The following NAV2 variants were observed in gnomAD, a reference collection of about 807,000 sequenced individuals.
NAV2 encodes the protein helicase, APC down-regulated 1.
A neutral mutation model predicts 223.2 loss-of-function variants in NAV2; 54 were observed. The observed-to-expected ratio is 0.24, with a 90% CI of 0.19 to 0.30. The LOEUF (loss-of-function observed/expected upper bound fraction) is 0.30, where lower values mean the gene tolerates loss of function less well. Ranked by LOEUF, NAV2 falls within the 10% of genes least tolerant of loss-of-function variation. The pLI is 1.00. For missense variants in NAV2, 2,806 were observed against 3,147.5 expected (o/e 0.89, Z 2.60); for synonymous variants, 1,279 against 1,239.3 (o/e 1.03, Z -0.67).
chr11:19,842,872 A>G lies in NAV2; in HGVS notation c.387A>G (p.Ala129=). 1 of 1,613,930 alleles carries G rather than the reference A, an allele frequency of 6.2e-7. No homozygotes were observed. The highest frequency in any genetic ancestry group is 8.5e-7 in the Non-Finnish European group (1 of 1,179,806). Residue 129 remains alanine, a splice_region_variant and synonymous_variant, in exon 3 of 38, where the codon GCA becomes GCG. Transcript: ENST00000349880. ...VLLAQIIQVV[A]NEKIEDINGC... ...TCTGACTTGTGTTTCCTTTTTCAGC[A>G]AATGAAAAGATTGAAGACATCAATG... is the stretch of plus-strand genomic sequence containing the variant.
At chr11:19,755,386 T>A (rs976410609) in intron 1 of NAV2, among the ~76,000 whole-genome samples, 1 of 152,196 alleles carries the variant, frequency 6.6e-6, no homozygotes, top group African/African-American at 2.4e-5. Context: ...AAGGTGACTT[T>A]GATGGAAGAA....
At chr11:19,619,736 T>C (rs1472108475) in intron 1 of NAV2, among the ~76,000 whole-genome samples, 2 of 152,212 alleles carry the variant, frequency 1.3e-5, no homozygotes, top group Non-Finnish European at 2.9e-5. Flanking sequence ...TGGTAGTTTC[T>C]TTTGCTGTGC....
intron 1 of NAV2, among the ~76,000 whole-genome samples, chr11:19,588,812 T>C (rs927523691): frequency 6.6e-6 from 1 of 152,140 alleles, no homozygotes; most frequent in Non-Finnish European, 1.5e-5. Context: ...TGTGATGTGG[T>C]TTGGAATCTT....
At chr11:20,077,671 G>A (rs761845121) in intron 23 of NAV2, 36 bp downstream of exon 23, 5 of 1,505,286 alleles carry the variant, frequency 3.3e-6, no homozygotes, top group Non-Finnish European at 4.6e-6. Flanking sequence ...CTCCCTACTT[G>A]GAGTTAACAA....
intron 1 of NAV2, among the ~76,000 whole-genome samples, chr11:19,610,517 T>C (rs1324513750): frequency 6.6e-6 from 1 of 152,216 alleles, no homozygotes; most frequent in Non-Finnish European, 1.5e-5. Context: ...AATGCAGGTA[T>C]AAGCAGAAAC....
At chr11:19,988,238 C>A (rs973840769) in intron 11 of NAV2, among the ~76,000 whole-genome samples, 1 of 152,202 alleles carries the variant, frequency 6.6e-6, no homozygotes, top group African/African-American at 2.4e-5. Context: ...ATGCTCCTCT[C>A]GAATGTCATC....
chr11:19,978,630 TC>T (rs1426875354), intron 10 of NAV2: 2 of 149,750 alleles, frequency 1.3e-5, no homozygotes, highest in Non-Finnish European at 2.9e-5. Context: ...GTTTGTTCTT[TC>T]ATTTCTTGCA....
chr11:19,388,319 C>T (rs963725644), intron 1 of NAV2, among the ~76,000 whole-genome samples: 3 of 152,148 alleles, frequency 2.0e-5, no homozygotes, highest in Admixed American at 1.3e-4. Context: ...TGCAAGAACC[C>T]GACTGTCCCA....
chr11:19,877,622 G>C (rs368522376), intron 4 of NAV2, among the ~76,000 whole-genome samples: 1 of 151,604 alleles, frequency 6.6e-6, no homozygotes, highest in African/African-American at 2.4e-5. Flanking sequence ...ACACGCGCCC[G>C]CCACCACGCC....
chr11:19,378,619 G>C (rs969547550), intron 1 of NAV2, among the ~76,000 whole-genome samples: 1 of 151,950 alleles, frequency 6.6e-6, no homozygotes, highest in Admixed American at 6.6e-5. Context: ...GCTGGGTGGG[G>C]GTGGGGTAGG....
chr11:19,721,953 T>C (rs1248733729), intron 1 of NAV2, among the ~76,000 whole-genome samples: 2 of 152,230 alleles, frequency 1.3e-5, no homozygotes, highest in African/African-American at 4.8e-5. Context: ...GGCAAAGATA[T>C]ATGTGCACGT....
At chr11:20,047,895 T>C (rs116629701) in intron 14 of NAV2, among the ~76,000 whole-genome samples, 1,762 of 152,350 alleles carry the variant, frequency 0.012, 29 homozygotes, top group African/African-American at 0.041. Context: ...TTTGCATTAC[T>C]AGAATGTGGA....
At chr11:19,885,784 G>T (rs2040914935) in intron 5 of NAV2, among the ~76,000 whole-genome samples, 1 of 152,128 alleles carries the variant, frequency 6.6e-6, no homozygotes, top group African/African-American at 2.4e-5. Context: ...TATTCTTATT[G>T]AGTATGGAAA....
intron 3 of NAV2, among the ~76,000 whole-genome samples, chr11:19,866,339 A>G (rs1483368020): frequency 6.6e-6 from 1 of 152,214 alleles, no homozygotes. Flanking sequence ...GCTGCCAGAC[A>G]TTGACAAATT....
At chr11:19,434,279 G>C (rs16936741) in intron 1 of NAV2, among the ~76,000 whole-genome samples, 3,647 of 152,266 alleles carry the variant, frequency 0.024, 139 homozygotes, top group African/African-American at 0.083. Context: ...TGGCTGATGA[G>C]GTACATATTA....
At chr11:19,372,626 G>C (rs1341680909) in intron 1 of NAV2, among the ~76,000 whole-genome samples, 1 of 152,152 alleles carries the variant, frequency 6.6e-6, no homozygotes, top group Non-Finnish European at 1.5e-5. Context: ...TGTGCTTGAA[G>C]GATAGCACCT....
At chr11:19,916,309 A>G (rs10833192) in intron 6 of NAV2, among the ~76,000 whole-genome samples, 55,292 of 152,126 alleles carry the variant, frequency 0.36, 12,260 homozygotes, top group Non-Finnish European at 0.49. Context: ...ATGTTCAGCA[A>G]TGCAGCCCAA....
intron 11 of NAV2, among the ~76,000 whole-genome samples, chr11:20,019,168 G>A (rs576789011): frequency 1.3e-5 from 2 of 152,286 alleles, no homozygotes; most frequent in East Asian, 3.9e-4. Flanking sequence ...CAAGGCATGA[G>A]GGAAGGCTGA....
At chr11:19,366,409 T>G (rs1848282737) in intron 1 of NAV2, among the ~76,000 whole-genome samples, 1 of 152,164 alleles carries the variant, frequency 6.6e-6, no homozygotes, top group Admixed American at 6.5e-5. Context: ...GCTTCCTGCT[T>G]GCTTCTTCTA....
Sources: allele counts gnomAD v4.1 joint callset (sites outside exome capture counted in the v4.1 genomes callset), GRCh38; gene constraint gnomAD v4.1.1; transcripts MANE v1.5; gene names NCBI Gene and HGNC (gene_info 2026-07-23, HGNC 2026-07-21).